Variants in NECAB1 observed in about 807,000 individuals in gnomAD.
The protein encoded by NECAB1 is N-terminal EF-hand calcium binding protein 1.
In NECAB1, 29 loss-of-function variants were observed where a neutral mutation model predicts 57.5. The ratio of observed to expected loss-of-function variants is 0.50; its 90% CI spans 0.38 to 0.69. The LOEUF is 0.69. NECAB1 is among the 30% of genes least tolerant of loss of function. The pLI is 0.00. For synonymous variants in NECAB1, 142 were observed against 147.7 expected (o/e 0.96, Z 0.28); for missense variants, 372 against 413.8 (o/e 0.90, Z 0.88).
intron 10 of NECAB1, among the ~76,000 whole-genome samples, chr8:90,944,946 G>A (rs966289023): frequency 1.3e-5 from 2 of 152,150 alleles, no homozygotes; most frequent in Non-Finnish European, 2.9e-5. Context: ...TGCCCAGGCT[G>A]AAGTGCAGTG....
At chr8:90,863,327 T>C (rs1808445872) in intron 3 of NECAB1, among the ~76,000 whole-genome samples, 1 of 152,114 alleles carries the variant, frequency 6.6e-6, no homozygotes, top group Non-Finnish European at 1.5e-5. Context: ...GCATGCCAGG[T>C]TCAGAATTAT....
At chr8:90,839,985 A>G (rs1427250107) in intron 3 of NECAB1, among the ~76,000 whole-genome samples, 3 of 152,222 alleles carry the variant, frequency 2.0e-5, no homozygotes, top group Non-Finnish European at 4.4e-5. Flanking sequence ...CTGTGCTTTA[A>G]AAAATGTTAG....
At chr8:90,819,943 C>G (rs2129694808) in intron 2 of NECAB1, among the ~76,000 whole-genome samples, 1 of 151,964 alleles carries the variant, frequency 6.6e-6, no homozygotes, top group Non-Finnish European at 1.5e-5. Context: ...TACCTCCTCA[C>G]TGTGAGAAAC....
intron 3 of NECAB1, among the ~76,000 whole-genome samples, chr8:90,864,121 T>C (rs1244831470): frequency 6.6e-6 from 1 of 152,094 alleles, no homozygotes; most frequent in Non-Finnish European, 1.5e-5. Context: ...TTAGTTTTTA[T>C]ACTTTTCGAA....
intron 5 of NECAB1, among the ~76,000 whole-genome samples, chr8:90,882,277 G>A (rs1464177835): frequency 6.6e-6 from 1 of 152,022 alleles, no homozygotes; most frequent in Non-Finnish European, 1.5e-5. Context: ...GTTGATATTT[G>A]GAAAACAATA....
At chr8:90,820,541 A>G (rs1422648389) in intron 2 of NECAB1, among the ~76,000 whole-genome samples, 1 of 151,916 alleles carries the variant, frequency 6.6e-6, no homozygotes, top group Non-Finnish European at 1.5e-5. Context: ...GTGTTTTGAG[A>G]GCATAATCAT....
In NECAB1 at chr8:90,951,104, T is replaced by A; in HGVS notation, c.939-9T>A. 1 of 1,550,826 alleles carries A rather than the reference T, an allele frequency of 6.4e-7. No individual in the cohort carries two copies. Among genetic ancestry groups the A allele is most frequent in the Non-Finnish European group, 8.8e-7 (1 of 1,133,784 alleles). The stretch of plus-strand genomic sequence containing the variant: ...AATGCACAGCCTTAACCTATAATTA[T>A]TTATACAGCCACCTTCAGACAAATT... On this transcript the variant is annotated splice_polypyrimidine_tract_variant and intron_variant, in intron 11 of 12. Transcript: ENST00000417640.
At chr8:90,911,647 AAT>A (rs1414963981) in intron 5 of NECAB1, among the ~76,000 whole-genome samples, 1 of 152,122 alleles carries the variant, frequency 6.6e-6, no homozygotes, top group Non-Finnish European at 1.5e-5. Flanking sequence ...TGCAGTAGAA[AAT>A]ATGTGTCAAA....
At chr8:90,817,407 G>GA (rs1812076856) in intron 2 of NECAB1, among the ~76,000 whole-genome samples, 1 of 151,204 alleles carries the variant, frequency 6.6e-6, no homozygotes, top group African/African-American at 2.4e-5. Context: ...CAATCTTAAG[G>GA]AAAAAAACAT....
intron 2 of NECAB1, among the ~76,000 whole-genome samples, chr8:90,810,561 ATATAGT>A (rs1811941978): frequency 6.6e-6 from 1 of 152,240 alleles, no homozygotes; most frequent in Non-Finnish European, 1.5e-5. Flanking sequence ...AGCCAAGTAA[ATATAGT>A]TAAAGTCCCA....
chr8:90,852,908 T>A (rs1017204948), intron 3 of NECAB1, among the ~76,000 whole-genome samples: 1 of 152,228 alleles, frequency 6.6e-6, no homozygotes, highest in African/African-American at 2.4e-5. Flanking sequence ...CAAGTGTGGA[T>A]GCAAAAGGCT....
At chr8:90,812,467 T>C (rs922680557) in intron 2 of NECAB1, among the ~76,000 whole-genome samples, 2 of 152,182 alleles carry the variant, frequency 1.3e-5, no homozygotes, top group African/African-American at 4.8e-5. Flanking sequence ...AGCACATTCT[T>C]TCTAGCCACG....
chr8:90,911,028 T>C (rs1809818392), intron 5 of NECAB1, among the ~76,000 whole-genome samples: 3 of 152,182 alleles, frequency 2.0e-5, no homozygotes, highest in Non-Finnish European at 4.4e-5. Context: ...AGCTTTTTGT[T>C]GTTGCTGTTT....
chr8:90,902,973 T>G (rs916358678), intron 5 of NECAB1, among the ~76,000 whole-genome samples: 12 of 152,030 alleles, frequency 7.9e-5, no homozygotes, highest in Non-Finnish European at 1.8e-4. Context: ...TATTCAACAA[T>G]ATGAGATTGA....
intron 7 of NECAB1, among the ~76,000 whole-genome samples, chr8:90,926,454 A>G (rs1810273518): frequency 6.6e-6 from 1 of 152,232 alleles, no homozygotes; most frequent in Non-Finnish European, 1.5e-5. Context: ...AGGTAAGGAA[A>G]CAAGCCTGGG....
At chr8:90,933,479 G>A (rs1197870309) in intron 8 of NECAB1, among the ~76,000 whole-genome samples, 1 of 152,188 alleles carries the variant, frequency 6.6e-6, no homozygotes, top group Non-Finnish European at 1.5e-5. Context: ...CTCAGGAATG[G>A]ACAACCAACC....
intron 2 of NECAB1, among the ~76,000 whole-genome samples, chr8:90,819,853 T>A (rs1367766183): frequency 6.6e-6 from 1 of 151,814 alleles, no homozygotes; most frequent in Non-Finnish European, 1.5e-5. Flanking sequence ...AGAGTAGATC[T>A]TTTTTTAGGG....
chr8:90,892,332 TTAATAGCTA>T (rs1179154326), intron 5 of NECAB1, among the ~76,000 whole-genome samples: 2 of 152,188 alleles, frequency 1.3e-5, no homozygotes, highest in African/African-American at 2.4e-5. Context: ...AATATGAGCA[TTAATAGCTA>T]TAATAGCTAT....
rs373700162 is a variant in NECAB1 at position 90,942,682 on chromosome 8, G to T, written c.860+1784G>T. 5.3e-5 allele frequency among the ~76,000 whole-genome samples: 8 copies of T among 152,236 alleles called. No individual in the cohort carries two copies. In the South Asian group the frequency reaches 8.3e-4, roughly 16 times the overall value. ...GCAGATCACGAAGTCAGGAGTTCGA[G>T]ACCAGACTGACCAACGTGATGAGAC... On this transcript the variant is annotated intron_variant, in intron 10 of 12. Coordinates refer to ENST00000417640, the MANE Select transcript of NECAB1 (RefSeq NM_022351.5).
Sources: gnomAD v4.1 joint callset for allele counts (sites outside exome capture counted in the v4.1 genomes callset) on GRCh38, gnomAD v4.1.1 for gene constraint, MANE v1.5 for transcripts, NCBI Gene and HGNC (gene_info 2026-07-23, HGNC 2026-07-21) for gene names.